The following BBOF1 variants were observed in gnomAD, a reference collection of about 807,000 sequenced individuals.
BBOF1 encodes basal body orientation factor 1, also known as basal body-orientation factor 1.
A neutral mutation model predicts 68.0 loss-of-function variants in BBOF1; 62 were observed. The ratio of observed to expected loss-of-function variants is 0.91; its 90% CI spans 0.74 to 1.13. The LOEUF (loss-of-function observed/expected upper bound fraction) is 1.13, where lower values mean the gene tolerates loss of function less well. Among genes scored for constraint, BBOF1 ranks in the 50% most tolerant of loss-of-function variants. The probability of loss-of-function intolerance (pLI) is 0.00; values close to 1 mark genes in which losing one functional copy is unlikely to be tolerated. For missense variants in BBOF1, 534 were observed against 600.1 expected (o/e 0.89, Z 1.15); for synonymous variants, 208 against 198.8 (o/e 1.05, Z -0.39).
chr14:74,021,141 T>A (rs982539940), intron 1 of BBOF1, among the ~76,000 whole-genome samples: 1 of 152,208 alleles, frequency 6.6e-6, no homozygotes, highest in African/African-American at 2.4e-5. Flanking sequence ...TGTACATATT[T>A]ATATATCATG....
Position 74,071,350 on chromosome 14 carries a change from G to T in BBOF1, n.1380-6846G>T. 1 of 1,614,126 alleles carries T rather than the reference G, an allele frequency of 6.2e-7. No individual in the cohort carries two copies. The highest frequency in any genetic ancestry group is 8.5e-7 in the Non-Finnish European group (1 of 1,180,024). ...CATGGCCATGGGAAACATCCAAAGG[G>T]GGATCATGGCAGGAAAATTGAATGG... On this transcript the variant is annotated intron_variant and non_coding_transcript_variant, in intron 9 of 12. Transcript: ENST00000492026.
chr14:74,040,278 C>T (rs940352127), intron 4 of BBOF1, among the ~76,000 whole-genome samples: 4 of 152,184 alleles, frequency 2.6e-5, no homozygotes, highest in East Asian at 1.9e-4. Flanking sequence ...TGTGAGCCAC[C>T]GTGCTCAGCC....
rs934054992 is a variant in BBOF1, at chr14:74,028,855, T to C, written c.286-329T>C. 2.6e-5 allele frequency among the ~76,000 whole-genome samples: 4 copies of C among 152,092 alleles called. No individual in the cohort carries two copies. The South Asian group carries it at 8.3e-4, about 32-fold the overall frequency. On this transcript the variant is annotated intron_variant, in intron 2 of 11. Coordinates refer to ENST00000394009, the MANE Select transcript of BBOF1 (RefSeq NM_025057.3). ...TCCTGAGTAGCTGGGATTACAGGCA[T>C]GTGCCACCACGCCTGGCTAATTTCA...
intron 4 of BBOF1, among the ~76,000 whole-genome samples, chr14:74,035,970 G>C (rs554845094): frequency 6.6e-6 from 1 of 152,088 alleles, no homozygotes; most frequent in Non-Finnish European, 1.5e-5. Context: ...AGAGAAGAGT[G>C]TCAAAGAACT....
intron 2 of BBOF1, among the ~76,000 whole-genome samples, chr14:74,027,046 A>G (rs2059446565): frequency 6.6e-6 from 1 of 151,946 alleles, no homozygotes; most frequent in Non-Finnish European, 1.5e-5. Context: ...TACTACTAAT[A>G]AACACATACA....
At chr14:74,074,288 ATTTTTT>A (rs35478388) in intron 9 of BBOF1, among the ~76,000 whole-genome samples, 3 of 130,184 alleles carry the variant, frequency 2.3e-5, no homozygotes, top group Non-Finnish European at 4.9e-5. Flanking sequence ...CTTTCACTAA[ATTTTTT>A]TTTTTTTTTT....
intron 1 of BBOF1, among the ~76,000 whole-genome samples, chr14:74,020,644 C>T (rs1422178242): frequency 6.6e-6 from 1 of 152,144 alleles, no homozygotes. Context: ...GCTGTGATTA[C>T]AGGCACCCGT....
rs1352731764 is a variant in BBOF1, at chr14:74,046,131, G to C, written c.647+1G>C. On this transcript the variant is annotated splice_donor_variant, in intron 6 of 11. Transcript: ENST00000394009. LOFTEE classifies it high-confidence loss of function. ...AGAGAGCCCACCATGAGGCTATTGTGTAAGAGACTGCTGCCTACTTTCTGA... is the reference window on the plus strand; with the variant it reads ...AGAGAGCCCACCATGAGGCTATTGTCTAAGAGACTGCTGCCTACTTTCTGA... The C allele has an allele frequency of 6.2e-7, 1 of 1,601,834 alleles. No individual in the cohort carries two copies.
At chr14:74,056,093 A>T (rs1876966035) in intron 9 of BBOF1, among the ~76,000 whole-genome samples, 1 of 151,392 alleles carries the variant, frequency 6.6e-6, no homozygotes, top group African/African-American at 2.4e-5. Context: ...GTGCAGTGGC[A>T]CAATCACAGC....
At chr14:74,047,407 C>CTTTGTTTATTTA in intron 6 of BBOF1, among the ~76,000 whole-genome samples, 1 of 145,544 alleles carries the variant, frequency 6.9e-6, no homozygotes, top group African/African-American at 2.6e-5. Context: ...TCCTTTTTCA[C>CTTTGTTTATTTA]TTTATTTATT....
At chr14:74,069,307 T>C (rs1217264902), downstream of BBOF1, 3 of 342,238 alleles carry the variant, frequency 8.8e-6, no homozygotes, top group East Asian at 2.4e-4. Context: ...TTTCACAATC[T>C]TGGCCAGGCT....
In BBOF1 at chr14:74,022,954, C is replaced by A; in HGVS notation, c.95C>A (p.Ala32Asp). Reference protein sequence around the residue: ...IKTDESVVDRAKANASLWEAR... With the variant: ...IKTDESVVDRDKANASLWEAR... ...ACAGATGAATCTGTGGTGGACAGAG[C>A]CAAGGCCAATGCCTCCCTTTGGGAG... Residue 32 changes from alanine to aspartate, a missense_variant, in exon 2 of 12, where the codon GCC becomes GAC. Physicochemically the swap from Ala to Asp is moderately radical, Grantham distance 126. Coordinates refer to ENST00000394009, the MANE Select transcript of BBOF1 (RefSeq NM_025057.3). The A allele has an allele frequency of 1.2e-6, 2 of 1,613,212 alleles. No homozygotes were observed. Among genetic ancestry groups the A allele is most frequent in the Non-Finnish European group, 1.7e-6 (2 of 1,179,496 alleles).
chr14:74,023,141 T>C lies in BBOF1; in HGVS notation c.282T>C (p.Asn94=). 1.3e-6 allele frequency: 2 copies of C among 1,564,670 alleles called. No homozygotes were observed. The highest frequency in any genetic ancestry group is 1.7e-6 in the Non-Finnish European group (2 of 1,150,984). The change falls in exon 2 of 12, where the codon AAT becomes AAC. Residue 94 remains asparagine (N), a synonymous_variant. Coordinates refer to ENST00000394009, the MANE Select transcript of BBOF1 (RefSeq NM_025057.3). ...AGAAGCAGGATCAGGAGAAAGATAA[T>C]ATGGTAGGTAGGTAGAAAGCCTCCT... ...YLKKQDQEKD[N]MIEKLKQQLN... is the part of the protein sequence containing the mutation.
chr14:74,040,130 C>G (rs1338683239), intron 4 of BBOF1, among the ~76,000 whole-genome samples: 1 of 152,030 alleles, frequency 6.6e-6, no homozygotes, highest in South Asian at 2.1e-4. Context: ...GTAGCTGGAA[C>G]TACAGGTGTG....
intron 4 of BBOF1, among the ~76,000 whole-genome samples, chr14:74,036,374 G>T (rs979520309): frequency 2.4e-4 from 37 of 151,986 alleles, no homozygotes; most frequent in Admixed American, 1.7e-3. Context: ...TCACAGTTCT[G>T]ATCACGTCCT....
intron 2 of BBOF1, among the ~76,000 whole-genome samples, chr14:74,028,204 C>CA (rs2059477910): frequency 6.6e-6 from 1 of 151,756 alleles, no homozygotes; most frequent in African/African-American, 2.4e-5. Flanking sequence ...CCTGTCTCTA[C>CA]AAAAAATACA....
chr14:74,036,224 T>C (rs1429932811), intron 4 of BBOF1, among the ~76,000 whole-genome samples: 1 of 152,080 alleles, frequency 6.6e-6, no homozygotes, highest in Non-Finnish European at 1.5e-5. Flanking sequence ...CTAGGCTAAT[T>C]TTTTGTATTT....
intron 3 of BBOF1, 131 bp downstream of exon 3, chr14:74,029,380 G>A: frequency 1.8e-6 from 1 of 569,286 alleles, no homozygotes. Flanking sequence ...AAGCTTGATT[G>A]TATAGAAATT....
chr14:74,026,048 C>T (rs1034332343), intron 2 of BBOF1, among the ~76,000 whole-genome samples: 7 of 150,476 alleles, frequency 4.7e-5, no homozygotes, highest in Admixed American at 1.3e-4. Flanking sequence ...GGTTGAGGCA[C>T]GAGAATTGCT....
Sources: gnomAD v4.1 joint callset for allele counts (sites outside exome capture counted in the v4.1 genomes callset) on GRCh38, gnomAD v4.1.1 for gene constraint, MANE v1.5 for transcripts, NCBI Gene and HGNC (gene_info 2026-07-23, HGNC 2026-07-21) for gene names.